PPIL6: variants seen among roughly 807,000 people sequenced by gnomAD.
PPIL6 encodes probable inactive peptidyl-prolyl cis-trans isomerase-like 6.
Under a neutral mutation model 36.8 loss-of-function variants are expected in PPIL6, and 39 were observed. The observed-to-expected ratio is 1.06, with a 90% confidence interval of 0.82 to 1.38. PPIL6 has a LOEUF of 1.38. Ranked by LOEUF, PPIL6 falls within the 40% of genes most tolerant of loss-of-function variation. PPIL6 has a pLI of 0.00. For synonymous variants in PPIL6, 123 were observed against 134.1 expected (o/e 0.92, Z 0.57); for missense variants, 368 against 379.1 (o/e 0.97, Z 0.24).
chr6:109,425,503 C>G (rs1773764532), intron 5 of PPIL6, among the ~76,000 whole-genome samples: 1 of 152,106 alleles, frequency 6.6e-6, no homozygotes, highest in South Asian at 2.1e-4. Flanking sequence ...AATCCCAGCA[C>G]TTTGGGAGGC....
At chr6:109,421,302 C>A (rs931683548) in intron 5 of PPIL6, among the ~76,000 whole-genome samples, 1 of 152,220 alleles carries the variant, frequency 6.6e-6, no homozygotes, top group Non-Finnish European at 1.5e-5. Flanking sequence ...TGCTATACTT[C>A]TGACAACAAA....
At chr6:109,402,759 A>G (rs1414869092) in intron 6 of PPIL6, among the ~76,000 whole-genome samples, 2 of 152,144 alleles carry the variant, frequency 1.3e-5, no homozygotes, top group Non-Finnish European at 2.9e-5. Flanking sequence ...CTAAGTCCAG[A>G]ATGTGTATGT....
chr6:109,440,413 T>G lies in PPIL6; in HGVS notation c.135+43A>C, dbSNP rs749403720. The G allele has an allele frequency of 1.3e-4, 201 of 1,528,312 alleles. 1 individual carries two copies. The African/African-American group carries it at 2.6e-3, about 20-fold the overall frequency. 94.7% of individuals were successfully genotyped at this position (1,528,312 alleles called of 1,614,324 possible). A position where few individuals can be genotyped will look rare whatever the true frequency, so the allele number is the denominator to read the frequency against. On this transcript the variant is annotated intron_variant, in intron 1 of 7. Coordinates refer to ENST00000521072, the MANE Select transcript of PPIL6 (RefSeq NM_173672.5). ...TGCAGTCCACGCGGCCGAGAGCGGG[T>G]AGCGGGGAGGGCCGCCCACGACGGA...
chr6:109,434,468 T>C (rs940399132), intron 2 of PPIL6, among the ~76,000 whole-genome samples: 1 of 152,132 alleles, frequency 6.6e-6, no homozygotes, highest in African/African-American at 2.4e-5. Flanking sequence ...ATACTGTCTG[T>C]CATATAATAA....
At chr6:109,420,332 C>CAAAAAAAAAAAAAAAAAAAAAAA (rs564751735) in intron 5 of PPIL6, among the ~76,000 whole-genome samples, 2 of 50,952 alleles carry the variant, frequency 3.9e-5, no homozygotes, top group Non-Finnish European at 7.8e-5. Flanking sequence ...GACTCCATCT[C>CAAAAAAAAAAAAAAAAAAAAAAA]AAAAAAAAAA....
Position 109,413,967 on chromosome 6 carries a change from A to C in PPIL6, c.688+5220T>G, listed in dbSNP as rs1411937921. ...GAAGGATGGTTACCAGAAACTGGGA[A>C]GGGTAGTGAGGGTTAAAGGAGGGTG... is the stretch of plus-strand genomic sequence containing the variant. On this transcript the variant is annotated intron_variant, in intron 6 of 7. Transcript: ENST00000521072. This position sits in a 1 kb window ranked among gnomAD's most constrained non-coding sequence, Gnocchi z 4.6. Among the ~76,000 whole-genome samples the C allele has an allele frequency of 6.6e-6, 1 of 152,190 alleles. No individual in the cohort carries two copies. Among genetic ancestry groups the C allele is most frequent in the African/African-American group, 2.4e-5 (1 of 41,440 alleles).
At chr6:109,401,030 T>A (rs1480644507) in intron 6 of PPIL6, among the ~76,000 whole-genome samples, 2 of 141,882 alleles carry the variant, frequency 1.4e-5, no homozygotes, top group African/African-American at 5.2e-5. Flanking sequence ...CGGCTAATTT[T>A]TTTTTTTTTT....
chr6:109,394,645 CT>C (rs1772223776), intron 7 of PPIL6, among the ~76,000 whole-genome samples: 1 of 152,266 alleles, frequency 6.6e-6, no homozygotes, highest in Non-Finnish European at 1.5e-5. Flanking sequence ...CTCTCTTTGC[CT>C]TTGGGCTCTA....
intron 5 of PPIL6, among the ~76,000 whole-genome samples, chr6:109,426,233 A>C (rs143880234): frequency 1.1e-4 from 17 of 152,310 alleles, no homozygotes; most frequent in African/African-American, 3.8e-4. Context: ...CATCGAGTTC[A>C]AGCAAATTTC....
In PPIL6 at chr6:109,392,754, T is replaced by C. The variant is rs912593200; in HGVS notation, c.*72A>G. On this transcript the variant is annotated 3_prime_UTR_variant, in exon 8 of 8. Coordinates refer to ENST00000521072, the MANE Select transcript of PPIL6 (RefSeq NM_173672.5). ...TTCAAATTACAATTTATCAAGTACT[T>C]TTTAATTAAATCCACAAACAGCTGA... is the stretch of plus-strand genomic sequence containing the variant. 1.3e-5 allele frequency: 13 copies of C among 979,786 alleles called. No homozygotes were observed. The highest frequency in any genetic ancestry group is 1.7e-5 in the Non-Finnish European group (11 of 648,754). The allele number at this position is 979,786 out of a possible 1,614,324, so 60.7% of individuals were successfully genotyped here.
chr6:109,433,329 T>A (rs1178789528), intron 2 of PPIL6, among the ~76,000 whole-genome samples: 1 of 152,232 alleles, frequency 6.6e-6, no homozygotes, highest in Non-Finnish European at 1.5e-5. Context: ...AGTGTTGGGA[T>A]TACAGGCGTG....
intron 2 of PPIL6, among the ~76,000 whole-genome samples, chr6:109,434,939 T>C (rs1472440962): frequency 6.6e-6 from 1 of 152,214 alleles, no homozygotes; most frequent in Non-Finnish European, 1.5e-5. Flanking sequence ...GGACAAGCTC[T>C]GCTAGCCCTA....
At chr6:109,433,301 C>A (rs962499225) in intron 2 of PPIL6, among the ~76,000 whole-genome samples, 6 of 152,186 alleles carry the variant, frequency 3.9e-5, no homozygotes, top group African/African-American at 9.7e-5. Flanking sequence ...AGGTGATCTG[C>A]CCGCCTCGGC....
At chr6:109,437,808 G>A (rs1295367726) in intron 1 of PPIL6, among the ~76,000 whole-genome samples, 1 of 152,036 alleles carries the variant, frequency 6.6e-6, no homozygotes, top group Non-Finnish European at 1.5e-5. Context: ...GACCTTAGGC[G>A]ATCTGCCTGC....
chr6:109,411,748 C>T (rs1045405599), intron 6 of PPIL6, among the ~76,000 whole-genome samples: 1 of 152,204 alleles, frequency 6.6e-6, no homozygotes, highest in Non-Finnish European at 1.5e-5. Flanking sequence ...CCAACCTATC[C>T]CATCTACTGA....
At chr6:109,399,430 G>C (rs573873955) in intron 7 of PPIL6, among the ~76,000 whole-genome samples, 1 of 151,730 alleles carries the variant, frequency 6.6e-6, no homozygotes, top group South Asian at 2.1e-4. Flanking sequence ...TTTTGAGACA[G>C]AGTCTTGCTG....
At chr6:109,401,234 A>T (rs1772524247) in intron 6 of PPIL6, among the ~76,000 whole-genome samples, 1 of 152,118 alleles carries the variant, frequency 6.6e-6, no homozygotes, top group African/African-American at 2.4e-5. Flanking sequence ...TTTTGTGGAA[A>T]GCAATAGCTT....
At position 109,413,507 on chromosome 6, in the gene PPIL6, G is replaced by C. The variant is rs555589413; in HGVS notation, c.688+5680C>G. On this transcript the variant is annotated intron_variant, in intron 6 of 7. Coordinates refer to ENST00000521072, the MANE Select transcript of PPIL6 (RefSeq NM_173672.5). This position sits in a 1 kb window ranked among gnomAD's most constrained non-coding sequence, Gnocchi z 4.6. ...GAAAAAGGGACCCTTGTACACTGTT[G>C]GTGGGAATGTAAACTAATGTGCAAC... Among the ~76,000 whole-genome samples the C allele has an allele frequency of 1.9e-3, 289 of 152,298 alleles. 1 individual carries two copies. The highest frequency in any genetic ancestry group is 3.6e-3 in the Non-Finnish European group (244 of 68,038).
At chr6:109,403,706 TA>T (rs1039718726) in intron 6 of PPIL6, among the ~76,000 whole-genome samples, 13 of 151,876 alleles carry the variant, frequency 8.6e-5, no homozygotes, top group South Asian at 2.1e-4. Flanking sequence ...TTCCCTAGGT[TA>T]AAAAAAAATT....
Sources: gnomAD v4.1 joint callset for allele counts (sites outside exome capture counted in the v4.1 genomes callset) on GRCh38, gnomAD v4.1.1 for gene constraint, Gnocchi (gnomAD v3.1) non-coding constraint, MANE v1.5 for transcripts, NCBI Gene and HGNC (gene_info 2026-07-23, HGNC 2026-07-21) for gene names.